SV2C: variants seen among roughly 807,000 people sequenced by gnomAD.
SV2C encodes the protein solute carrier family 22 member B3.
Under a neutral mutation model 79.7 loss-of-function variants are expected in SV2C, and 49 were observed. The observed-to-expected ratio is 0.61, with a 90% confidence interval of 0.49 to 0.78. The LOEUF (loss-of-function observed/expected upper bound fraction) is 0.78, where lower values mean the gene tolerates loss of function less well. Among genes scored for constraint, SV2C ranks in the 30% least tolerant of loss-of-function variants. SV2C has a pLI of 0.00. For synonymous variants in SV2C, 334 were observed against 333.2 expected, an observed-to-expected ratio of 1.00 and a Z score of -0.03; for missense variants, 833 against 912.9, an observed-to-expected ratio of 0.91 and a Z score of 1.13.
At chr5:76,120,313 T>G (rs549574275) in intron 1 of SV2C, among the ~76,000 whole-genome samples, 1 of 152,012 alleles carries the variant, frequency 6.6e-6, no homozygotes, top group African/African-American at 2.4e-5. Flanking sequence ...CATCAAAGAT[T>G]TTTTTTGTTT....
chr5:76,105,879 G>A (rs1033279439), intron 1 of SV2C, among the ~76,000 whole-genome samples: 9 of 152,000 alleles, frequency 5.9e-5, no homozygotes, highest in East Asian at 1.9e-4. Flanking sequence ...GTGATCCGGG[G>A]AGCAATCTTC....
the SV2C span, among the ~76,000 whole-genome samples, chr5:75,862,885 C>T: frequency 6.6e-6 from 1 of 152,190 alleles, no homozygotes; most frequent in African/African-American, 2.4e-5. Flanking sequence ...TTGATCAGAA[C>T]AATTTCCATG....
At chr5:76,198,244 G>A (rs922338187) in intron 3 of SV2C, among the ~76,000 whole-genome samples, 1 of 152,178 alleles carries the variant, frequency 6.6e-6, no homozygotes, top group Non-Finnish European at 1.5e-5. Flanking sequence ...TTGATCCCCG[G>A]TGTTGGAGGT....
chr5:75,927,452 C>A, the SV2C span, among the ~76,000 whole-genome samples: 1 of 151,492 alleles, frequency 6.6e-6, no homozygotes, highest in Non-Finnish European at 1.5e-5. Flanking sequence ...ATGGTCAAAC[C>A]CATACAAGCA....
At chr5:76,240,109 G>A (rs1745736611) in intron 4 of SV2C, among the ~76,000 whole-genome samples, 1 of 152,158 alleles carries the variant, frequency 6.6e-6, no homozygotes, top group Admixed American at 6.5e-5. Context: ...GAATGTGAAA[G>A]CAAAAGAGAA....
intron 4 of SV2C, among the ~76,000 whole-genome samples, chr5:76,250,115 C>T (rs1199935768): frequency 6.6e-6 from 1 of 152,006 alleles, no homozygotes; most frequent in African/African-American, 2.4e-5. Flanking sequence ...GGGTTACTGC[C>T]TTGGTAAAGA....
chr5:76,339,248 T>A (rs914505423), intron 12 of SV2C, among the ~76,000 whole-genome samples: 2 of 152,260 alleles, frequency 1.3e-5, no homozygotes, highest in Non-Finnish European at 2.9e-5. Context: ...CAATCCTTTT[T>A]ATTAACTGCC....
rs1491256449 is a variant in SV2C, at chr5:76,183,029, CAT to C, written c.581-11889_581-11888del. ...ATGACCACATCTCATGAGAACCTACCATTTTTTTTTTTTTTTTTTTTTTTGAG... is the reference window on the plus strand; with the variant it reads ...ATGACCACATCTCATGAGAACCTACCTTTTTTTTTTTTTTTTTTTTTTGAG... On this transcript the variant is annotated intron_variant, in intron 2 of 12. Coordinates refer to ENST00000502798, the MANE Select transcript of SV2C (RefSeq NM_014979.4). 3.2e-4 allele frequency among the ~76,000 whole-genome samples: 15 copies of C among 47,596 alleles called. No individual in the cohort carries two copies. The South Asian group carries it at 8.5e-3, about 27-fold the overall frequency. The allele number at this position is 47,596 out of a possible 152,430, so 31.2% of individuals were successfully genotyped here.
intron 4 of SV2C, among the ~76,000 whole-genome samples, chr5:76,227,266 A>C (rs1745279630): frequency 6.6e-6 from 1 of 152,208 alleles, no homozygotes; most frequent in African/African-American, 2.4e-5. Context: ...AGCTCCTTGC[A>C]GGAGCACCTT....
chr5:76,223,707 C>T (rs1417510959), intron 4 of SV2C, among the ~76,000 whole-genome samples: 3 of 151,890 alleles, frequency 2.0e-5, no homozygotes, highest in African/African-American at 4.8e-5. Flanking sequence ...CCCCTTATTA[C>T]TCAGAGAAAT....
intron 4 of SV2C, among the ~76,000 whole-genome samples, chr5:76,225,269 A>G (rs752401870): frequency 5.9e-5 from 9 of 152,200 alleles, no homozygotes; most frequent in Non-Finnish European, 7.3e-5. Flanking sequence ...CTGATCTTTT[A>G]TGTAACACTG....
the SV2C span, among the ~76,000 whole-genome samples, chr5:75,866,422 A>C: frequency 3.3e-5 from 5 of 152,212 alleles, no homozygotes; most frequent in African/African-American, 1.2e-4. Context: ...AAATATTCAC[A>C]ATAAACCTAT....
chr5:76,195,173 G>A (rs1174088478), intron 3 of SV2C, 74 bp downstream of exon 3: 42 of 1,487,370 alleles, frequency 2.8e-5, no homozygotes, highest in Non-Finnish European at 3.7e-5. Context: ...GAACCTTATT[G>A]GGAGGAAATT....
At chr5:76,307,561 C>CCAAAA (rs1748241374) in intron 12 of SV2C, among the ~76,000 whole-genome samples, 1 of 152,080 alleles carries the variant, frequency 6.6e-6, no homozygotes, top group Admixed American at 6.5e-5. Flanking sequence ...GGAGACTAGC[C>CCAAAA]CAAAACAATG....
the SV2C span, among the ~76,000 whole-genome samples, chr5:75,994,409 G>T: frequency 6.6e-6 from 1 of 151,960 alleles, no homozygotes; most frequent in Non-Finnish European, 1.5e-5. Flanking sequence ...GTATGTCTTT[G>T]CTAAGTTCCT....
intron 4 of SV2C, among the ~76,000 whole-genome samples, chr5:76,279,328 A>C (rs1747113332): frequency 6.6e-6 from 1 of 152,202 alleles, no homozygotes; most frequent in African/African-American, 2.4e-5. Context: ...TGGCACTTAC[A>C]GTCTTGGAGA....
chr5:76,234,539 A>G (rs1428671408), intron 4 of SV2C, among the ~76,000 whole-genome samples: 1 of 152,222 alleles, frequency 6.6e-6, no homozygotes, highest in Non-Finnish European at 1.5e-5. Context: ...GGAGGAATCC[A>G]AAGGGATGAA....
chr5:76,132,121 A>T lies in SV2C; in HGVS notation c.371A>T (p.Glu124Val), dbSNP rs769828491. The part of the protein sequence containing the change: ...GDEYKDRREL[E>V]SERRADEEEL... ...GAGTACAAGGACCGGCGGGAGCTGG[A>T]ATCAGAAAGGAGAGCTGACGAGGAA... The change falls in exon 2 of 13, where the codon GAA (glutamate) becomes GTA (valine). Residue 124 changes from glutamate to valine, a missense_variant. Coordinates refer to ENST00000502798, the MANE Select transcript of SV2C (RefSeq NM_014979.4). 55 of 1,613,958 alleles carry T rather than the reference A, an allele frequency of 3.4e-5. No homozygotes were observed. The highest frequency in any genetic ancestry group is 3.4e-6 in the Non-Finnish European group (4 of 1,179,994).
chr5:75,959,890 T>G, the SV2C span, among the ~76,000 whole-genome samples: 114 of 152,098 alleles, frequency 7.5e-4, no homozygotes, highest in African/African-American at 2.7e-3. Flanking sequence ...AATATTCTTT[T>G]AAAGACCTAG....
Sources: gnomAD v4.1 joint callset for allele counts (sites outside exome capture counted in the v4.1 genomes callset) on GRCh38, gnomAD v4.1.1 for gene constraint, MANE v1.5 for transcripts, NCBI Gene and HGNC (gene_info 2026-07-23, HGNC 2026-07-21) for gene names.